The following MAGI2 variants were observed in gnomAD, a reference collection of about 807,000 sequenced individuals.
The protein encoded by MAGI2 is membrane-associated guanylate kinase, WW and PDZ domain-containing protein 2.
Under a neutral mutation model 133.3 loss-of-function variants are expected in MAGI2, and 35 were observed. The ratio of observed to expected loss-of-function variants is 0.26; its 90% CI spans 0.20 to 0.35. MAGI2 has a LOEUF of 0.35. Ranked by LOEUF, MAGI2 falls within the 10% of genes least tolerant of loss-of-function variation. The pLI is 1.00. For missense variants in MAGI2, 1,636 were observed against 1,863.4 expected (o/e 0.88, Z 2.25); for synonymous variants, 729 against 710.6 (o/e 1.03, Z -0.41).
intron 1 of MAGI2, among the ~76,000 whole-genome samples, chr7:79,434,276 T>C (rs1402972335): frequency 1.3e-5 from 2 of 152,178 alleles, no homozygotes; most frequent in Admixed American, 6.5e-5. Flanking sequence ...GATGAGTAAT[T>C]GACTCAGCAT....
intron 2 of MAGI2, among the ~76,000 whole-genome samples, chr7:78,696,496 T>C (rs935178298): frequency 3.9e-5 from 6 of 152,162 alleles, no homozygotes; most frequent in Non-Finnish European, 5.9e-5. Context: ...ATTAATCAGT[T>C]GGTATGTGCC....
chr7:78,556,560 G>C (rs1030494408), intron 3 of MAGI2, among the ~76,000 whole-genome samples: 1 of 152,228 alleles, frequency 6.6e-6, no homozygotes, highest in Non-Finnish European at 1.5e-5. Context: ...TTGAGGGAAT[G>C]AGGAGAGTAT....
chr7:78,937,723 G>T (rs1800625822), intron 2 of MAGI2, among the ~76,000 whole-genome samples: 1 of 152,076 alleles, frequency 6.6e-6, no homozygotes, highest in Admixed American at 6.6e-5. Context: ...CATGGTCTCT[G>T]GATCGAAACT....
chr7:78,417,270 T>G (rs1230901510), intron 6 of MAGI2, among the ~76,000 whole-genome samples: 1 of 151,030 alleles, frequency 6.6e-6, no homozygotes, highest in Non-Finnish European at 1.5e-5. Flanking sequence ...GACCCATTCT[T>G]GCTACTGACA....
chr7:79,286,419 A>T (rs1056969838), intron 1 of MAGI2, among the ~76,000 whole-genome samples: 2 of 152,062 alleles, frequency 1.3e-5, no homozygotes, highest in Admixed American at 6.6e-5. Context: ...CAAAGCCAGC[A>T]GTTTAACTCA....
chr7:78,027,910 C>T lies in MAGI2; in HGVS notation c.3707-7934G>A, dbSNP rs559112837. The stretch of plus-strand genomic sequence containing the variant: ...TTATAAAACTCTTTCCTGTTGCAAC[C>T]TACAGTTGTCTGGGGTTAGACAATA... On this transcript the variant is annotated intron_variant, in intron 21 of 21. Coordinates refer to ENST00000354212, the MANE Select transcript of MAGI2 (RefSeq NM_012301.4). 1.2e-4 allele frequency among the ~76,000 whole-genome samples: 18 copies of T among 152,258 alleles called. 2 individuals are homozygous for T. Among genetic ancestry groups the T allele is most frequent in the African/African-American group, 3.9e-4 (16 of 41,540 alleles).
At chr7:79,123,193 G>A (rs912090139) in intron 1 of MAGI2, among the ~76,000 whole-genome samples, 3 of 152,118 alleles carry the variant, frequency 2.0e-5, no homozygotes, top group Non-Finnish European at 4.4e-5. Flanking sequence ...TAATAACAAC[G>A]TTCAATGTAT....
At chr7:79,388,567 T>C (rs145461691) in intron 1 of MAGI2, among the ~76,000 whole-genome samples, 270 of 151,858 alleles carry the variant, frequency 1.8e-3, no homozygotes, top group African/African-American at 6.1e-3. Flanking sequence ...GTAAAGTATG[T>C]AAATGTAATT....
intron 1 of MAGI2, among the ~76,000 whole-genome samples, chr7:79,390,390 C>T (rs1844515481): frequency 6.6e-6 from 1 of 152,032 alleles, no homozygotes; most frequent in Non-Finnish European, 1.5e-5. Context: ...ACAAAATAAC[C>T]TGAACATTTC....
intron 6 of MAGI2, among the ~76,000 whole-genome samples, chr7:78,437,126 C>T (rs180683951): frequency 2.6e-5 from 4 of 152,220 alleles, no homozygotes; most frequent in East Asian, 1.9e-4. Flanking sequence ...CTCCTGTTAG[C>T]GACAGAAATG....
At chr7:78,439,795 TTTTC>T (rs1331648026) in intron 6 of MAGI2, among the ~76,000 whole-genome samples, 4 of 152,136 alleles carry the variant, frequency 2.6e-5, no homozygotes, top group Non-Finnish European at 2.9e-5. Flanking sequence ...ATGTATCATC[TTTTC>T]TTTCTAAGCA....
chr7:78,635,110 C>T (rs1809487931), intron 2 of MAGI2, among the ~76,000 whole-genome samples: 2 of 152,144 alleles, frequency 1.3e-5, no homozygotes, highest in Admixed American at 1.3e-4. Flanking sequence ...TGAAAGCATA[C>T]AGCGTTTCTG....
chr7:79,292,155 GA>G (rs1836536704), intron 1 of MAGI2, among the ~76,000 whole-genome samples: 1 of 151,966 alleles, frequency 6.6e-6, no homozygotes, highest in African/African-American at 2.4e-5. Flanking sequence ...ACCATTTTTT[GA>G]AAAACCTACA....
chr7:78,207,550 C>T (rs908960241), intron 10 of MAGI2, among the ~76,000 whole-genome samples: 11 of 152,174 alleles, frequency 7.2e-5, no homozygotes, highest in South Asian at 4.1e-4. Flanking sequence ...AGCTAATTTC[C>T]ATGAGAACTA....
At chr7:78,564,150 A>G (rs2150746462) in intron 3 of MAGI2, among the ~76,000 whole-genome samples, 1 of 151,882 alleles carries the variant, frequency 6.6e-6, no homozygotes, top group East Asian at 1.9e-4. Flanking sequence ...GCAGGTAAGG[A>G]TAACTGTGGA....
chr7:79,407,501 G>A (rs1845885095), intron 1 of MAGI2, among the ~76,000 whole-genome samples: 1 of 152,070 alleles, frequency 6.6e-6, no homozygotes, highest in Non-Finnish European at 1.5e-5. Flanking sequence ...AGGATCACCT[G>A]AACTTGTTCG....
intron 4 of MAGI2, among the ~76,000 whole-genome samples, chr7:78,515,039 C>T (rs929475814): frequency 2.6e-5 from 4 of 152,092 alleles, no homozygotes; most frequent in Non-Finnish European, 4.4e-5. Flanking sequence ...GATTTAAATG[C>T]TTTTAAAATA....
intron 2 of MAGI2, among the ~76,000 whole-genome samples, chr7:78,829,790 T>C (rs1206942094): frequency 2.6e-5 from 4 of 152,264 alleles, no homozygotes; most frequent in Non-Finnish European, 5.9e-5. Flanking sequence ...TTCAATTTTT[T>C]AGTTCACAAA....
At chr7:79,445,582 C>T (rs1848791962) in intron 1 of MAGI2, among the ~76,000 whole-genome samples, 3 of 152,134 alleles carry the variant, frequency 2.0e-5, no homozygotes, top group African/African-American at 4.8e-5. Context: ...TCATCACTGG[C>T]CATCAGAGAA....
Sources: gnomAD v4.1 joint callset for allele counts (sites outside exome capture counted in the v4.1 genomes callset) on GRCh38, gnomAD v4.1.1 for gene constraint, MANE v1.5 for transcripts, NCBI Gene and HGNC (gene_info 2026-07-23, HGNC 2026-07-21) for gene names.